The following GTF2H1 variants were observed in gnomAD, a reference collection of about 807,000 sequenced individuals.
GTF2H1 encodes the protein BTF2 p62.
A neutral mutation model predicts 71.2 loss-of-function variants in GTF2H1; 16 were observed. The ratio of observed to expected loss-of-function variants is 0.22; its 90% CI spans 0.15 to 0.34. The LOEUF (loss-of-function observed/expected upper bound fraction) is 0.34, where lower values mean the gene tolerates loss of function less well. Among genes scored for constraint, GTF2H1 ranks in the 10% least tolerant of loss-of-function variants. GTF2H1 has a pLI of 1.00. For missense variants in GTF2H1, 498 were observed against 648.2 expected, an observed-to-expected ratio of 0.77 and a Z score of 2.52; for synonymous variants, 215 against 219.0, an observed-to-expected ratio of 0.98 and a Z score of 0.16.
At chr11:18,364,320 C>G (rs1865772708) in intron 14 of GTF2H1, among the ~76,000 whole-genome samples, 1 of 152,182 alleles carries the variant, frequency 6.6e-6, no homozygotes, top group South Asian at 2.1e-4. Flanking sequence ...TTAGGACTTC[C>G]TGATCTCCAT....
At chr11:18,333,771 T>C (rs1864957179) in intron 2 of GTF2H1, among the ~76,000 whole-genome samples, 1 of 152,214 alleles carries the variant, frequency 6.6e-6, no homozygotes, top group South Asian at 2.1e-4. Context: ...GTTATAGGCA[T>C]GCACCACCAT....
chr11:18,329,121 G>GT (rs1177896078), intron 1 of GTF2H1, among the ~76,000 whole-genome samples: 1 of 152,100 alleles, frequency 6.6e-6, no homozygotes, highest in Non-Finnish European at 1.5e-5. Context: ...TGTAAGGTGG[G>GT]TACAGATAAG....
chr11:18,328,841 A>G (rs1023046684), intron 1 of GTF2H1, among the ~76,000 whole-genome samples: 4 of 152,078 alleles, frequency 2.6e-5, no homozygotes, highest in Non-Finnish European at 5.9e-5. Flanking sequence ...AAAAAAGAAT[A>G]TGGAATCAAA....
At chr11:18,338,757 A>C (rs530376760) in intron 4 of GTF2H1, among the ~76,000 whole-genome samples, 2 of 152,050 alleles carry the variant, frequency 1.3e-5, no homozygotes, top group African/African-American at 4.8e-5. Flanking sequence ...CCCTCTTCCA[A>C]AATGTTTTTA....
At chr11:18,329,262 G>A (rs1467830724) in intron 1 of GTF2H1, among the ~76,000 whole-genome samples, 1 of 152,160 alleles carries the variant, frequency 6.6e-6, no homozygotes, top group African/African-American at 2.4e-5. Context: ...ACATAATGCA[G>A]ACTATCTCCA....
chr11:18,341,886 G>GGCATAA, intron 7 of GTF2H1: 1 of 284,228 alleles, frequency 3.5e-6, no homozygotes, highest in Non-Finnish European at 6.6e-6. Context: ...TTAATGTGAT[G>GGCATAA]AGTTCAGCTT....
chr11:18,341,530 C>T lies in GTF2H1; in HGVS notation c.760C>T (p.Leu254=), dbSNP rs567375544. The change falls in exon 7 of 15, where the codon CTA becomes TTA. Residue 254 remains leucine, a splice_region_variant and synonymous_variant. Coordinates refer to ENST00000265963, the MANE Select transcript of GTF2H1 (RefSeq NM_005316.4). ...TTTTTATTTTGTTGATTTTCTAGGC[C>T]TAAAAACAATGGTTTCATTAGGAGT... ...AECAKIDEKG[L]KTMVSLGVKN... is the part of the protein sequence containing the mutation. The T allele has an allele frequency of 6.2e-7, 1 of 1,609,782 alleles. No homozygotes were observed. The highest frequency in any genetic ancestry group is 1.1e-5 in the South Asian group (1 of 90,282).
intron 1 of GTF2H1, chr11:18,332,708 A>T (rs1864928603): frequency 6.4e-6 from 1 of 156,616 alleles, no homozygotes; most frequent in Non-Finnish European, 1.4e-5. Context: ...AATAAATATG[A>T]CTGTAATTCT....
At chr11:18,333,311 T>C (rs1384514252) in intron 2 of GTF2H1, 83 bp downstream of exon 2, 7 of 1,015,926 alleles carry the variant, frequency 6.9e-6, no homozygotes, top group Non-Finnish European at 9.9e-6. Context: ...AAATCTTTAT[T>C]TTATATCAAA....
chr11:18,336,021 A>G (rs913276764), intron 3 of GTF2H1, 75 bp downstream of exon 3: 3 of 1,009,450 alleles, frequency 3.0e-6, no homozygotes, highest in African/African-American at 3.3e-5. Context: ...ATAGCTTGTT[A>G]GCTATCCCCA....
In GTF2H1 at chr11:18,347,642, A is replaced by G; in HGVS notation, c.892A>G (p.Asn298Asp). 1 of 1,611,268 alleles carries G rather than the reference A, an allele frequency of 6.2e-7. No homozygotes were observed. The highest frequency in any genetic ancestry group is 8.5e-7 in the Non-Finnish European group (1 of 1,177,432). ...SASNSKSIKENSNAAIIKRFN... is the reference protein window; with the variant it reads ...SASNSKSIKEDSNAAIIKRFN... The stretch of plus-strand genomic sequence containing the variant: ...TTCCAATTCTAAATCCATAAAAGAG[A>G]ATAGTAATGCTGCCATCATCAAGAG... The change falls in exon 8 of 15, where the codon AAT (asparagine) becomes GAT (aspartate). Residue 298 changes from asparagine (N) to aspartate (D), a missense_variant. This residue lies in a region of GTF2H1 where 266 missense variants were observed against 301.6 expected (regional missense o/e 0.88). Transcript: ENST00000265963.
intron 3 of GTF2H1, among the ~76,000 whole-genome samples, chr11:18,336,175 G>A (rs866632078): frequency 1.2e-4 from 18 of 152,040 alleles, no homozygotes; most frequent in African/African-American, 3.6e-4. Flanking sequence ...CGCCTAGGCT[G>A]GAGTGCAGTG....
intron 1 of GTF2H1, among the ~76,000 whole-genome samples, chr11:18,328,600 G>A (rs867257361): frequency 5.3e-4 from 81 of 151,832 alleles, no homozygotes; most frequent in Middle Eastern, 3.5e-3. Context: ...TGAGGCGGGC[G>A]GATCACTTGC....
intron 9 of GTF2H1, among the ~76,000 whole-genome samples, chr11:18,349,815 C>G (rs1865385285): frequency 6.6e-6 from 1 of 152,194 alleles, no homozygotes; most frequent in Non-Finnish European, 1.5e-5. Context: ...GCATTGAATA[C>G]ACCTAATGTA....
At chr11:18,323,575 CTGAG>C (rs1590175291) in intron 1 of GTF2H1, among the ~76,000 whole-genome samples, 1 of 151,972 alleles carries the variant, frequency 6.6e-6, no homozygotes. Context: ...AAAAAAAAAA[CTGAG>C]TGGTTTGAAT....
intron 14 of GTF2H1, among the ~76,000 whole-genome samples, chr11:18,364,455 C>T (rs528461060): frequency 1.3e-5 from 2 of 152,258 alleles, no homozygotes; most frequent in South Asian, 4.1e-4. Flanking sequence ...GTGGTATGCA[C>T]ATGTAGTCCC....
chr11:18,365,929 T>C lies in GTF2H1; in HGVS notation c.*60T>C, dbSNP rs1865815164. On this transcript the variant is annotated 3_prime_UTR_variant, in exon 15 of 15. Coordinates refer to ENST00000265963, the MANE Select transcript of GTF2H1 (RefSeq NM_005316.4). ...AGAGAACTATGACCTGCAGCAACTC[T>C]GGAAACCTGGCCTGACAGACAAGCA... The C allele has an allele frequency of 8.7e-7, 1 of 1,153,478 alleles. No individual in the cohort carries two copies. Among genetic ancestry groups the C allele is most frequent in the African/African-American group, 1.5e-5 (1 of 65,958 alleles). 71.5% of individuals were successfully genotyped at this position (1,153,478 alleles called of 1,614,324 possible).
intron 4 of GTF2H1, among the ~76,000 whole-genome samples, chr11:18,338,625 A>G (rs1693566039): frequency 1.3e-5 from 2 of 152,054 alleles, no homozygotes; most frequent in South Asian, 2.1e-4. Context: ...TCTTATTTTT[A>G]TAGGGCGGGG....
intron 6 of GTF2H1, 27 bp downstream of exon 6, chr11:18,341,437 G>C: frequency 6.2e-7 from 1 of 1,611,202 alleles, no homozygotes; most frequent in Non-Finnish European, 8.5e-7. Flanking sequence ...GATAGACACT[G>C]GTATTTAACT....
Sources: allele counts gnomAD v4.1 joint callset (sites outside exome capture counted in the v4.1 genomes callset), GRCh38; gene constraint gnomAD v4.1.1; regional missense constraint gnomAD v4.1.1; transcripts MANE v1.5; gene names NCBI Gene and HGNC (gene_info 2026-07-23, HGNC 2026-07-21).